Variants in AP4E1 observed in about 807,000 individuals in gnomAD.
AP4E1 encodes the protein adaptor related protein complex 4 subunit epsilon 1, also known as AP-4 complex subunit epsilon-1.
A neutral mutation model predicts 128.2 loss-of-function variants in AP4E1; 56 were observed. The observed-to-expected ratio is 0.44, with a 90% CI of 0.35 to 0.55. The LOEUF is 0.55. Ranked by LOEUF, AP4E1 falls within the 20% of genes least tolerant of loss-of-function variation. The pLI, the probability that AP4E1 is intolerant of heterozygous loss-of-function variation, is 0.00. For missense variants in AP4E1, 1,324 were observed against 1,307.7 expected, an observed-to-expected ratio of 1.01 and a Z score of -0.19; for synonymous variants, 484 against 473.1, an observed-to-expected ratio of 1.02 and a Z score of -0.30.
chr15:50,988,380 T>C (rs1322095010), intron 16 of AP4E1, among the ~76,000 whole-genome samples: 1 of 140,038 alleles, frequency 7.1e-6, no homozygotes, highest in Non-Finnish European at 1.6e-5. Context: ...AGTGGCATGA[T>C]CTCGATTCAC....
intron 16 of AP4E1, among the ~76,000 whole-genome samples, chr15:50,987,478 G>A (rs2064745108): frequency 6.6e-6 from 1 of 152,180 alleles, no homozygotes; most frequent in Non-Finnish European, 1.5e-5. Flanking sequence ...CTTTAAATGT[G>A]TCCCAGAGAT....
chr15:50,908,170 G>A (rs909357862), upstream of AP4E1, among the ~76,000 whole-genome samples: 1 of 152,190 alleles, frequency 6.6e-6, no homozygotes, highest in East Asian at 1.9e-4. Context: ...GGCACGCGAC[G>A]GGCTCTCAAC....
At chr15:50,913,737 A>C (rs1454441075) in intron 2 of AP4E1, among the ~76,000 whole-genome samples, 1 of 152,196 alleles carries the variant, frequency 6.6e-6, no homozygotes, top group African/African-American at 2.4e-5. Context: ...CTCCTAATTA[A>C]TGTAGAAGTC....
chr15:50,971,102 C>T (rs529114623), intron 15 of AP4E1, among the ~76,000 whole-genome samples: 2 of 152,096 alleles, frequency 1.3e-5, no homozygotes, highest in Non-Finnish European at 2.9e-5. Flanking sequence ...CTTCCAGACT[C>T]CCTGGAGCAT....
intron 16 of AP4E1, among the ~76,000 whole-genome samples, chr15:50,984,877 C>A (rs1258728734): frequency 3.3e-5 from 5 of 152,030 alleles, no homozygotes; most frequent in East Asian, 3.9e-4. Context: ...CTTGAGGAAT[C>A]ACCACACTGT....
chr15:50,933,129 T>C (rs1414524579), intron 7 of AP4E1, among the ~76,000 whole-genome samples: 1 of 152,154 alleles, frequency 6.6e-6, no homozygotes, highest in African/African-American at 2.4e-5. Flanking sequence ...CAAAGATGAG[T>C]AAGCTAGTCC....
chr15:50,989,018 C>T (rs975521537), intron 16 of AP4E1, among the ~76,000 whole-genome samples: 1 of 151,884 alleles, frequency 6.6e-6, no homozygotes, highest in African/African-American at 2.4e-5. Context: ...ATAGTACAGC[C>T]CAGTTCATAG....
chr15:50,985,943 G>A (rs1162920929), intron 16 of AP4E1, among the ~76,000 whole-genome samples: 2 of 152,178 alleles, frequency 1.3e-5, no homozygotes, highest in South Asian at 2.1e-4. Context: ...CTACCCATGA[G>A]CATGGAATGT....
At chr15:50,946,582 AAT>A (rs1184060460) in intron 10 of AP4E1, among the ~76,000 whole-genome samples, 2 of 152,200 alleles carry the variant, frequency 1.3e-5, no homozygotes, top group Non-Finnish European at 1.5e-5. Flanking sequence ...AATCTTTCAA[AAT>A]ATGTTATCCT....
rs1347082495 is a variant in AP4E1 at position 50,999,155 on chromosome 15, A to G, written c.2988A>G (p.Lys996=). The change falls in exon 19 of 21, where the codon AAA becomes AAG. Residue 996 remains lysine (K), a synonymous_variant. Transcript: ENST00000261842. ...TTCAATATAGTGTGCAGATAGAAAA[A>G]CCTTTTACAGAAGGAAATCTTACTG... ...KSFQYSVQIE[K]PFTEGNLTGF... The G allele has an allele frequency of 3.1e-6, 5 of 1,613,840 alleles. No homozygotes were observed. The highest frequency in any genetic ancestry group is 4.2e-6 in the Non-Finnish European group (5 of 1,179,948).
chr15:50,990,322 C>T (rs1454642899), intron 16 of AP4E1, among the ~76,000 whole-genome samples: 2 of 139,744 alleles, frequency 1.4e-5, no homozygotes, highest in East Asian at 2.3e-4. Flanking sequence ...ATGTATTTTC[C>T]CATTTTTTAT....
At chr15:50,960,129 T>G (rs2140880575) in intron 14 of AP4E1, among the ~76,000 whole-genome samples, 1 of 152,260 alleles carries the variant, frequency 6.6e-6, no homozygotes, top group Admixed American at 6.5e-5. Context: ...ATAAAGCAAA[T>G]ATTATTAAAG....
intron 2 of AP4E1, 69 bp from the exon 3 acceptor site, chr15:50,915,379 T>G: frequency 8.0e-6 from 12 of 1,500,714 alleles, no homozygotes; most frequent in East Asian, 4.6e-5. Flanking sequence ...TTTTAAATTA[T>G]GAGAACATAG....
At chr15:50,945,558 T>C in intron 10 of AP4E1, 1 of 740,962 alleles carries the variant, frequency 1.3e-6, no homozygotes, top group Admixed American at 1.9e-5. Flanking sequence ...AGCTTGTGTC[T>C]GCTAGTTTCG....
At chr15:50,980,792 C>T (rs149116117) in intron 15 of AP4E1, among the ~76,000 whole-genome samples, 18 of 152,242 alleles carry the variant, frequency 1.2e-4, no homozygotes, top group African/African-American at 4.1e-4. Context: ...TCCAGCCATT[C>T]ATTGGGCCCA....
chr15:50,962,890 A>C (rs869163882), intron 14 of AP4E1, among the ~76,000 whole-genome samples: 1 of 34,616 alleles, frequency 2.9e-5, no homozygotes, highest in African/African-American at 1.0e-4. Flanking sequence ...ATTCAACAGC[A>C]AAAAAAAAAA....
chr15:50,931,154 C>G (rs567084739), intron 7 of AP4E1, among the ~76,000 whole-genome samples, 183 bp downstream of exon 7: 2 of 152,276 alleles, frequency 1.3e-5, no homozygotes, highest in East Asian at 3.9e-4. Flanking sequence ...AATCCTGGCT[C>G]TCTCCTTATC....
intron 10 of AP4E1, chr15:50,944,900 TA>T: frequency 1.2e-6 from 1 of 802,584 alleles, no homozygotes; most frequent in Non-Finnish European, 2.2e-6. Flanking sequence ...AGAACCTGGC[TA>T]CTGTCCTTTC....
chr15:50,922,423 G>T (rs544180169), intron 3 of AP4E1, among the ~76,000 whole-genome samples: 1 of 152,232 alleles, frequency 6.6e-6, no homozygotes, highest in East Asian at 1.9e-4. Flanking sequence ...GATTGTGAGA[G>T]TAATAGCTCT....
Sources: gnomAD v4.1 joint callset for allele counts (sites outside exome capture counted in the v4.1 genomes callset) on GRCh38, gnomAD v4.1.1 for gene constraint, MANE v1.5 for transcripts, NCBI Gene and HGNC (gene_info 2026-07-23, HGNC 2026-07-21) for gene names.